The following CUL4A variants were observed in gnomAD, a reference collection of about 807,000 sequenced individuals.
The protein encoded by CUL4A is cullin 4A, also known as cullin-4A.
CUL4A carries 16 observed loss-of-function variants against 95.5 expected under a neutral mutation model. The observed-to-expected ratio is 0.17, with a 90% CI of 0.11 to 0.25. The LOEUF (loss-of-function observed/expected upper bound fraction) is 0.25. Among genes scored for constraint, CUL4A ranks in the 10% least tolerant of loss-of-function variants. The probability of loss-of-function intolerance (pLI) is 1.00; values close to 1 mark genes in which losing one functional copy is unlikely to be tolerated. For missense variants in CUL4A, 610 were observed against 937.0 expected (o/e 0.65, Z 4.56); for synonymous variants, 380 against 353.1 (o/e 1.08, Z -0.85).
intron 10 of CUL4A, among the ~76,000 whole-genome samples, chr13:113,240,344 A>C (rs2041672194): frequency 6.6e-6 from 1 of 152,228 alleles, no homozygotes; most frequent in South Asian, 2.1e-4. Flanking sequence ...AGAGTTGCCC[A>C]GCCCAAGAAA....
At position 113,242,997 on chromosome 13, in the gene CUL4A, T is replaced by G. The variant is rs1054564553; in HGVS notation, c.1065T>G (p.Pro355=). 5 of 1,611,568 alleles carry G rather than the reference T, an allele frequency of 3.1e-6. No homozygotes were observed. Among genetic ancestry groups the G allele is most frequent in the Non-Finnish European group, 4.2e-6 (5 of 1,178,058 alleles). Residue 355 remains proline, a synonymous_variant, in exon 11 of 20, where the codon CCT becomes CCG. Coordinates refer to ENST00000375440, the MANE Select transcript of CUL4A (RefSeq NM_001008895.4). ...KTFGTAIVIN[P]EKDKDMVQDL... Reference sequence around the variant, plus strand: ...TTGGAACAGCGATCGTAATCAATCCTGAGAAAGACAAAGACATGGTCCAAG... The same window carrying G: ...TTGGAACAGCGATCGTAATCAATCCGGAGAAAGACAAAGACATGGTCCAAG...
chr13:113,238,437 A>G (rs1046281352), intron 9 of CUL4A, among the ~76,000 whole-genome samples: 2 of 152,150 alleles, frequency 1.3e-5, no homozygotes, highest in Admixed American at 6.5e-5. Context: ...CTGTCTCAAA[A>G]AAAAAAGAGA....
intron 5 of CUL4A, among the ~76,000 whole-genome samples, chr13:113,231,857 G>A (rs2041321882): frequency 6.6e-6 from 1 of 152,138 alleles, no homozygotes; most frequent in Non-Finnish European, 1.5e-5. Flanking sequence ...GGTGATGTGG[G>A]CAGTCAAGGG....
rs186142030 is a variant in CUL4A, at chr13:113,232,742, G to A, written c.513-435G>A. Among the ~76,000 whole-genome samples, 681 of 152,306 alleles carry A rather than the reference G, an allele frequency of 4.5e-3. 5 individuals are homozygous for A. Among genetic ancestry groups the A allele is most frequent in the African/African-American group, 0.015 (636 of 41,546 alleles). On this transcript the variant is annotated intron_variant, in intron 5 of 19. Coordinates refer to ENST00000375440, the MANE Select transcript of CUL4A (RefSeq NM_001008895.4). ...CAGGGCTTGGAGAAGGGAAGCTGCT[G>A]GGACGTGCTCAGCAGAGGACACTGG...
chr13:113,249,824 T>G (rs2139261210), intron 15 of CUL4A, among the ~76,000 whole-genome samples: 1 of 152,350 alleles, frequency 6.6e-6, no homozygotes, highest in Admixed American at 6.5e-5. Context: ...TTGCCGTGAT[T>G]TGCATTTCCC....
At chr13:113,219,996 T>C (rs577925535) in intron 3 of CUL4A, among the ~76,000 whole-genome samples, 21 of 152,356 alleles carry the variant, frequency 1.4e-4, no homozygotes, top group African/African-American at 4.3e-4. Context: ...GAGTTTATAA[T>C]TGCAGAAAAT....
chr13:113,243,276 C>T, intron 11 of CUL4A, 116 bp downstream of exon 11: 1 of 947,152 alleles, frequency 1.1e-6, no homozygotes, highest in Non-Finnish European at 1.5e-6. Flanking sequence ...TCAAGCTGCT[C>T]AAGGGGTGTG....
chr13:113,216,928 G>A (rs1284256848), intron 2 of CUL4A, among the ~76,000 whole-genome samples: 1 of 152,162 alleles, frequency 6.6e-6, no homozygotes, highest in Non-Finnish European at 1.5e-5. Flanking sequence ...GTTTTGAGAG[G>A]TTCTTAAATT....
chr13:113,229,240 C>T (rs1445819251), intron 4 of CUL4A, among the ~76,000 whole-genome samples: 1 of 151,982 alleles, frequency 6.6e-6, no homozygotes, highest in Admixed American at 6.6e-5. Flanking sequence ...AAAATTCCTA[C>T]AGTCAGATTT....
At chr13:113,261,330 G>C (rs964796611) in intron 19 of CUL4A, among the ~76,000 whole-genome samples, 1 of 152,106 alleles carries the variant, frequency 6.6e-6, no homozygotes, top group East Asian at 1.9e-4. Context: ...CTCTGATGAC[G>C]CCTGGCCTCT....
rs180881733 is a variant in CUL4A at position 113,214,665 on chromosome 13, C to T, written c.265-4280C>T. Among the ~76,000 whole-genome samples, 9 of 152,240 alleles carry T rather than the reference C, an allele frequency of 5.9e-5. No individual in the cohort carries two copies. In the East Asian group the frequency reaches 1.7e-3, roughly 29 times the overall value. Reference sequence around the variant, plus strand: ...ATTGCACCCGGCTGACATGCAAGTTCTGAGGAAAGCCAGGCTGTCTTTCTT... The same window carrying T: ...ATTGCACCCGGCTGACATGCAAGTTTTGAGGAAAGCCAGGCTGTCTTTCTT... On this transcript the variant is annotated intron_variant, in intron 2 of 19. Transcript: ENST00000375440.
chr13:113,232,423 A>G (rs916954787), intron 5 of CUL4A, among the ~76,000 whole-genome samples: 46 of 110,812 alleles, frequency 4.2e-4, no homozygotes, highest in African/African-American at 1.3e-3. Context: ...TATTACTATT[A>G]CTGCCACCAC....
chr13:113,254,824 T>C, intron 17 of CUL4A, 26 bp downstream of exon 17: 2 of 1,596,024 alleles, frequency 1.3e-6, no homozygotes, highest in Non-Finnish European at 1.7e-6. Flanking sequence ...AGTGCATAGC[T>C]CCATGAGTTG....
At chr13:113,221,003 A>G (rs2040876974) in intron 3 of CUL4A, among the ~76,000 whole-genome samples, 1 of 152,188 alleles carries the variant, frequency 6.6e-6, no homozygotes, top group African/African-American at 2.4e-5. Flanking sequence ...TTGAGTTGAG[A>G]ACTGCGCGTC....
At chr13:113,254,822 G>T (rs774249528) in intron 17 of CUL4A, 24 bp downstream of exon 17, 1 of 1,596,980 alleles carries the variant, frequency 6.3e-7, no homozygotes, top group South Asian at 1.1e-5. Context: ...AGAGTGCATA[G>T]CTCCATGAGT....
At chr13:113,227,854 G>A in intron 3 of CUL4A, 122 bp from the exon 4 acceptor site, 1 of 563,070 alleles carries the variant, frequency 1.8e-6, no homozygotes, top group South Asian at 2.0e-5. Context: ...GCACTGCTGA[G>A]CTAAGATCGT....
intron 2 of CUL4A, among the ~76,000 whole-genome samples, chr13:113,212,737 G>C (rs2040497018): frequency 6.6e-6 from 1 of 152,158 alleles, no homozygotes; most frequent in Admixed American, 6.5e-5. Context: ...GTGAGCCGAG[G>C]TTGTGCCACT....
At chr13:113,210,729 T>C (rs1595334944) in intron 2 of CUL4A, among the ~76,000 whole-genome samples, 1 of 152,358 alleles carries the variant, frequency 6.6e-6, no homozygotes, top group East Asian at 1.9e-4. Context: ...CATTCAGTAG[T>C]CTAATATCTA....
upstream of CUL4A, chr13:113,208,591 G>C (rs1183188291): frequency 3.1e-6 from 5 of 1,607,544 alleles, no homozygotes; most frequent in East Asian, 9.0e-5. Context: ...TCCCCGGCTA[G>C]GACCCACCTG....
Sources: gnomAD v4.1 joint callset for allele counts (sites outside exome capture counted in the v4.1 genomes callset) on GRCh38, gnomAD v4.1.1 for gene constraint, MANE v1.5 for transcripts, NCBI Gene and HGNC (gene_info 2026-07-23, HGNC 2026-07-21) for gene names.